Variants in DST observed in about 807,000 individuals in gnomAD.
DST encodes bullous pemphigoid antigen.
DST carries 253 observed loss-of-function variants against 875.2 expected under a neutral mutation model. The ratio of observed to expected loss-of-function variants is 0.29; its 90% CI spans 0.26 to 0.32. The LOEUF (loss-of-function observed/expected upper bound fraction) is 0.32. Among genes scored for constraint, DST ranks in the 10% least tolerant of loss-of-function variants. The pLI, the probability that DST is intolerant of heterozygous loss-of-function variation, is 1.00. For missense variants in DST, 8,287 were observed against 9,111.6 expected, an observed-to-expected ratio of 0.91 and a Z score of 3.68; for synonymous variants, 3,124 against 3,197.1, an observed-to-expected ratio of 0.98 and a Z score of 0.77.
chr6:56,931,452 G>C (rs1032992472), intron 2 of DST, among the ~76,000 whole-genome samples: 1 of 152,224 alleles, frequency 6.6e-6, no homozygotes, highest in Admixed American at 6.5e-5. Context: ...CCCCCACATA[G>C]AGTCCCTACT....
At chr6:56,690,975 C>T (rs2099224518) in intron 9 of DST, among the ~76,000 whole-genome samples, 1 of 152,124 alleles carries the variant, frequency 6.6e-6, no homozygotes, top group African/African-American at 2.4e-5. Context: ...TAATGACTAC[C>T]CATTCAGCTT....
chr6:56,614,950 C>G (rs2098597996), intron 36 of DST: 3 of 992,450 alleles, frequency 3.0e-6, no homozygotes. Flanking sequence ...ATAATGTTAG[C>G]TTTCAAGTGC....
chr6:56,752,351 C>T (rs1470099780), intron 4 of DST, among the ~76,000 whole-genome samples: 1 of 151,882 alleles, frequency 6.6e-6, no homozygotes, highest in Non-Finnish European at 1.5e-5. Context: ...GTACAACTAA[C>T]ATAAAATAAG....
At chr6:56,923,748 A>G (rs2127745546) in intron 2 of DST, among the ~76,000 whole-genome samples, 1 of 152,314 alleles carries the variant, frequency 6.6e-6, no homozygotes, top group South Asian at 2.1e-4. Flanking sequence ...TAAGGCCTTC[A>G]TCTGATTGGA....
chr6:56,482,833 G>A lies in DST; in HGVS notation c.21252C>T (p.Ala7084=). 6.2e-7 allele frequency: 1 copy of A among 1,608,396 alleles called. No homozygotes were observed. Among genetic ancestry groups the A allele is most frequent in the Non-Finnish European group, 8.5e-7 (1 of 1,176,550 alleles). The change falls in exon 89 of 104, where the codon GCC becomes GCT. Residue 7084 remains alanine, a synonymous_variant. Transcript: ENST00000680361. ...ELGKRTSSVQ[A]LKRSARELIE... The stretch of plus-strand genomic sequence containing the variant: ...TGAGTTCTCGGGCTGAGCGCTTCAG[G>A]GCCTGCACACTGCTGGTCCTCTTCC...
At chr6:56,469,719 T>C (rs2094787144) in intron 97 of DST, 164 bp downstream of exon 97, 1 of 631,812 alleles carries the variant, frequency 1.6e-6, no homozygotes, top group East Asian at 2.8e-5. Context: ...GCTGCCGTTA[T>C]ACAAATTAAA....
intron 5 of DST, among the ~76,000 whole-genome samples, chr6:56,722,804 C>G (rs1024307451): frequency 6.6e-6 from 1 of 152,112 alleles, no homozygotes; most frequent in Admixed American, 6.5e-5. Flanking sequence ...TGTACAAAGG[C>G]AGGGAGGTGA....
chr6:56,580,274 C>T (rs1053771919), intron 49 of DST, among the ~76,000 whole-genome samples: 31 of 152,064 alleles, frequency 2.0e-4, no homozygotes, highest in Admixed American at 1.0e-3. Flanking sequence ...CCAGCTGGTG[C>T]GGTGGCTCAC....
intron 2 of DST, among the ~76,000 whole-genome samples, chr6:56,937,191 T>A (rs1813446254): frequency 1.3e-5 from 2 of 152,064 alleles, no homozygotes; most frequent in African/African-American, 2.4e-5. Context: ...CTTATTAAAA[T>A]TTTTTAACTT....
At chr6:56,536,592 C>T (rs2097005686) in intron 62 of DST, among the ~76,000 whole-genome samples, 187 bp downstream of exon 62, 1 of 152,156 alleles carries the variant, frequency 6.6e-6, no homozygotes, top group East Asian at 1.9e-4. Context: ...ACCCAGTTTG[C>T]TTCCTTTCAT....
At chr6:56,653,647 T>C (rs1482202054) in intron 10 of DST, among the ~76,000 whole-genome samples, 1 of 152,152 alleles carries the variant, frequency 6.6e-6, no homozygotes, top group African/African-American at 2.4e-5. Context: ...ATCATGCCAC[T>C]GCACTCCAGC....
At chr6:56,873,720 G>A (rs754276523) in intron 3 of DST, among the ~76,000 whole-genome samples, 16 of 152,128 alleles carry the variant, frequency 1.1e-4, no homozygotes, top group Non-Finnish European at 2.1e-4. Flanking sequence ...AAGGTTGGGC[G>A]GAGAGGGGAG....
rs553557424 is a variant in DST at position 56,489,289 on chromosome 6, T to A, written c.20877+201A>T. Reference sequence around the variant, plus strand: ...TTCTTTTTAACAATTAACCTGGGAATCATTAGTGAAATGGTCACTGAAGAG... The same window carrying A: ...TTCTTTTTAACAATTAACCTGGGAAACATTAGTGAAATGGTCACTGAAGAG... On this transcript the variant is annotated intron_variant, in intron 86 of 103. Transcript: ENST00000680361. Among the ~76,000 whole-genome samples the A allele has an allele frequency of 2.0e-5, 3 of 152,332 alleles. No homozygotes were observed. The East Asian group carries it at 5.8e-4, about 29-fold the overall frequency.
At chr6:56,587,740 G>C (rs554754062) in intron 49 of DST, among the ~76,000 whole-genome samples, 5 of 152,140 alleles carry the variant, frequency 3.3e-5, no homozygotes, top group South Asian at 2.1e-4. Flanking sequence ...AGCCAGAAGA[G>C]AGTGGGGGCC....
At chr6:56,681,335 C>G (rs1230974755) in intron 9 of DST, among the ~76,000 whole-genome samples, 2 of 152,162 alleles carry the variant, frequency 1.3e-5, no homozygotes, top group Admixed American at 6.6e-5. Flanking sequence ...ACACCCACCC[C>G]AAACACTCCT....
chr6:56,566,991 C>A (rs2097690748), intron 55 of DST, among the ~76,000 whole-genome samples: 1 of 152,186 alleles, frequency 6.6e-6, no homozygotes, highest in South Asian at 2.1e-4. Context: ...AAGCCCCAGC[C>A]TCACTAATTA....
At chr6:56,571,266 C>T (rs1172221445) in intron 53 of DST, among the ~76,000 whole-genome samples, 1 of 152,186 alleles carries the variant, frequency 6.6e-6, no homozygotes, top group African/African-American at 2.4e-5. Flanking sequence ...CTGATAACTA[C>T]ATTATTTTAA....
chr6:56,557,289 A>G (rs752508912), intron 59 of DST, 30 bp downstream of exon 59: 30 of 1,591,934 alleles, frequency 1.9e-5, no homozygotes, highest in East Asian at 6.7e-5. Context: ...ATTGCTATGC[A>G]CGAGAGACAG....
intron 60 of DST, 108 bp downstream of exon 60, chr6:56,555,237 T>C (rs1345679966): frequency 8.1e-7 from 1 of 1,231,838 alleles, no homozygotes; most frequent in Non-Finnish European, 1.1e-6. Flanking sequence ...ATGTTAACAG[T>C]GGGGCAGAGT....
Sources: allele counts gnomAD v4.1 joint callset (sites outside exome capture counted in the v4.1 genomes callset), GRCh38; gene constraint gnomAD v4.1.1; transcripts MANE v1.5; gene names NCBI Gene and HGNC (gene_info 2026-07-23, HGNC 2026-07-21).